AHCTF1: variants seen among roughly 807,000 people sequenced by gnomAD.
AHCTF1 encodes protein ELYS.
In AHCTF1, 24 loss-of-function variants were observed where a neutral mutation model predicts 248.4. The observed-to-expected ratio is 0.10, with a 90% CI of 0.07 to 0.14. The LOEUF is 0.14. Among genes scored for constraint, AHCTF1 ranks in the 10% least tolerant of loss-of-function variants. The pLI is 1.00. For missense variants in AHCTF1, 2,206 were observed against 2,636.2 expected (o/e 0.84, Z 3.57); for synonymous variants, 786 against 929.8 (o/e 0.85, Z 2.81).
intron 21 of AHCTF1, among the ~76,000 whole-genome samples, chr1:246,885,214 G>C (rs897602825): frequency 4.6e-5 from 7 of 152,210 alleles, no homozygotes; most frequent in African/African-American, 1.7e-4. Flanking sequence ...TTGGGGGACT[G>C]GTTCCAGGAT....
In AHCTF1 at chr1:246,918,168, TAAAG is replaced by T. The variant is rs149188418; in HGVS notation, c.121+78_121+81del. On this transcript the variant is annotated intron_variant, in intron 2 of 35. Transcript: ENST00000648844. ...AGGTTCTGCTTTTTCTTCTTCCACATAAAGAAACTATAATATATACTTATTATTA... is the reference window on the plus strand; with the variant it reads ...AGGTTCTGCTTTTTCTTCTTCCACATAAACTATAATATATACTTATTATTA... 3.5e-3 allele frequency: 4,360 copies of T among 1,262,018 alleles called. 140 individuals are homozygous for T. In the African/African-American group the frequency reaches 0.059, roughly 17 times the overall value. The allele number at this position is 1,262,018 out of a possible 1,614,324, so 78.2% of individuals were successfully genotyped here.
In AHCTF1 at chr1:246,921,257, A is replaced by G. The variant is rs895747327; in HGVS notation, c.-7-2880T>C. On this transcript the variant is annotated intron_variant, in intron 1 of 35. Transcript: ENST00000648844. Reference sequence around the variant, plus strand: ...AAGAAAAAATAAACACAGAATGCACAGTGGATTTGAGAGAGAAAGCGGAAG... The same window carrying G: ...AAGAAAAAATAAACACAGAATGCACGGTGGATTTGAGAGAGAAAGCGGAAG... Among the ~76,000 whole-genome samples the G allele has an allele frequency of 5.3e-5, 8 of 152,202 alleles. 1 individual carries two copies. The highest frequency in any genetic ancestry group is 3.9e-4 in the Admixed American group (6 of 15,276).
rs1437917746 is a variant in AHCTF1, at chr1:246,843,688, C to CA, written c.6525+106dup. 8.5e-6 allele frequency: 8 copies of CA among 938,592 alleles called. No individual in the cohort carries two copies. In the African/African-American group the frequency reaches 1.3e-4, roughly 15 times the overall value. 58.1% of individuals were successfully genotyped at this position (938,592 alleles called of 1,614,324 possible). On this transcript the variant is annotated intron_variant, in intron 34 of 35. Transcript: ENST00000648844. Reference sequence around the variant, plus strand: ...TTAAGACATTTATTTAAATAATAAACAAAATTTAAAATCATTAAAATTTAA... The same window carrying CA: ...TTAAGACATTTATTTAAATAATAAACAAAAATTTAAAATCATTAAAATTTAA...
intron 24 of AHCTF1, among the ~76,000 whole-genome samples, chr1:246,868,611 T>TAAAAA (rs36102148): frequency 2.3e-5 from 3 of 132,638 alleles, no homozygotes; most frequent in African/African-American, 5.3e-5. Flanking sequence ...TGGTAAGTGG[T>TAAAAA]AAAAAAAAAA....
intron 33 of AHCTF1, among the ~76,000 whole-genome samples, chr1:246,844,242 G>C (rs1329322361): frequency 2.6e-5 from 4 of 152,196 alleles, no homozygotes; most frequent in Non-Finnish European, 5.9e-5. Flanking sequence ...TGCTCCTCAA[G>C]CATTCTGGGG....
At chr1:246,918,144 G>C (rs754609584) in intron 2 of AHCTF1, 106 bp downstream of exon 2, 98 of 1,051,062 alleles carry the variant, frequency 9.3e-5, no homozygotes, top group Non-Finnish European at 1.2e-4. Flanking sequence ...AGATCACTCA[G>C]GTTCTGCTTT....
chr1:246,910,105 A>C lies in AHCTF1; in HGVS notation c.557-2347T>G, dbSNP rs553581557. 2.0e-4 allele frequency among the ~76,000 whole-genome samples: 30 copies of C among 152,354 alleles called. No individual in the cohort carries two copies. In the Middle Eastern group the frequency reaches 0.01, roughly 52 times the overall value. ...CTCAGCACTTCCAAACTACCTTGCC[A>C]AAATACTAAACCTTCATCTATAACC... On this transcript the variant is annotated intron_variant, in intron 4 of 35. Coordinates refer to ENST00000648844, the MANE Select transcript of AHCTF1 (RefSeq NM_001323342.2).
At chr1:246,882,682 T>C (rs939692219) in intron 21 of AHCTF1, among the ~76,000 whole-genome samples, 1 of 152,266 alleles carries the variant, frequency 6.6e-6, no homozygotes, top group Admixed American at 6.5e-5. Flanking sequence ...GGCTTTCTTG[T>C]ACATTTATGA....
intron 3 of AHCTF1, 64 bp downstream of exon 3, chr1:246,916,078 C>T (rs1572462467): frequency 1.9e-6 from 3 of 1,542,968 alleles, no homozygotes; most frequent in East Asian, 2.3e-5. Context: ...AGTAACACAC[C>T]TATATAACCA....
At chr1:246,860,678 T>G (rs893645041) in intron 29 of AHCTF1, among the ~76,000 whole-genome samples, 1 of 152,130 alleles carries the variant, frequency 6.6e-6, no homozygotes, top group Non-Finnish European at 1.5e-5. Flanking sequence ...ATTTTTAAAT[T>G]TCTATTTTGT....
At chr1:246,927,404 G>A (rs1377700625) in intron 1 of AHCTF1, among the ~76,000 whole-genome samples, 2 of 152,172 alleles carry the variant, frequency 1.3e-5, no homozygotes, top group Admixed American at 6.5e-5. Flanking sequence ...CATGGGAATC[G>A]CTTGAACCGG....
chr1:246,849,263 G>T (rs1418363981), intron 33 of AHCTF1, among the ~76,000 whole-genome samples: 1 of 152,148 alleles, frequency 6.6e-6, no homozygotes, highest in Non-Finnish European at 1.5e-5. Flanking sequence ...GATATCACTG[G>T]GGTGTGAGCC....
intron 12 of AHCTF1, among the ~76,000 whole-genome samples, chr1:246,896,400 T>C (rs1664575845): frequency 6.6e-6 from 1 of 152,238 alleles, no homozygotes; most frequent in Non-Finnish European, 1.5e-5. Flanking sequence ...GAAGTACTGA[T>C]ACTTGCTATA....
At position 246,931,287 on chromosome 1, in the gene AHCTF1, C is replaced by T. The variant is rs953921824; in HGVS notation, c.-8+291G>A. 4 of 1,547,886 alleles carry T rather than the reference C, an allele frequency of 2.6e-6. No homozygotes were observed. The African/African-American group carries it at 4.1e-5, about 16-fold the overall frequency. On this transcript the variant is annotated intron_variant, in intron 1 of 35. Transcript: ENST00000648844. ...GGCCGTCCGTAAAGGGACCCGACTG[C>T]CGGCGCAGGACGCGAACCACCAGCG...
chr1:246,906,846 T>G (rs947083423), intron 5 of AHCTF1, among the ~76,000 whole-genome samples: 5 of 152,220 alleles, frequency 3.3e-5, no homozygotes, highest in Admixed American at 6.5e-5. Flanking sequence ...TTTTGTAACT[T>G]TGATTTTTAA....
intron 5 of AHCTF1, 45 bp downstream of exon 5, chr1:246,907,506 A>G: frequency 6.4e-7 from 1 of 1,558,692 alleles, no homozygotes; most frequent in East Asian, 2.3e-5. Flanking sequence ...AGCTATATGC[A>G]AAAAAACTAC....
intron 21 of AHCTF1, among the ~76,000 whole-genome samples, chr1:246,883,142 G>T (rs1663572856): frequency 6.6e-6 from 1 of 152,244 alleles, no homozygotes; most frequent in Non-Finnish European, 1.5e-5. Flanking sequence ...TGTACAGCCA[G>T]AAGGGTGAGT....
At position 246,860,914 on chromosome 1, in the gene AHCTF1, G is replaced by A; in HGVS notation, c.4117C>T (p.Leu1373=). ...VFASEVTPSD[L]QKQMGNLEDA... ...GAGTTCTTACCCATTTGTTTCTGTA[G>A]GTCTGAAGGAGTTACTTCTGATGCA... Residue 1373 remains leucine, a synonymous_variant, in exon 29 of 36, where the codon CTA becomes TTA. Transcript: ENST00000648844. 6.2e-7 allele frequency: 1 copy of A among 1,608,272 alleles called. No individual in the cohort carries two copies. The highest frequency in any genetic ancestry group is 8.5e-7 in the Non-Finnish European group (1 of 1,175,200).
intron 21 of AHCTF1, among the ~76,000 whole-genome samples, chr1:246,884,803 T>A (rs1663697160): frequency 6.6e-6 from 1 of 152,216 alleles, no homozygotes. Flanking sequence ...TCCTTAAGAT[T>A]TTCTTTCTAT....
Sources: allele counts gnomAD v4.1 joint callset (sites outside exome capture counted in the v4.1 genomes callset), GRCh38; gene constraint gnomAD v4.1.1; transcripts MANE v1.5; gene names NCBI Gene and HGNC (gene_info 2026-07-23, HGNC 2026-07-21).